PCLO: variants seen among roughly 807,000 people sequenced by gnomAD.
PCLO encodes protein piccolo.
PCLO carries 82 observed loss-of-function variants against 427.5 expected under a neutral mutation model. That is an observed-to-expected ratio of 0.19 (90% confidence interval 0.16 to 0.23). PCLO has a LOEUF of 0.23. Ranked by LOEUF, PCLO falls within the 10% of genes least tolerant of loss-of-function variation. The probability of loss-of-function intolerance (pLI) is 1.00; values close to 1 mark genes in which losing one functional copy is unlikely to be tolerated. For synonymous variants in PCLO, 2,357 were observed against 2,155.4 expected (o/e 1.09, Z -2.59); for missense variants, 6,239 against 6,115.9 (o/e 1.02, Z -0.67).
At chr7:82,768,737 T>A in intron 22 of PCLO, among the ~76,000 whole-genome samples, 1 of 152,120 alleles carries the variant, frequency 6.6e-6, no homozygotes, top group East Asian at 1.9e-4. Flanking sequence ...TCTGGTGCTT[T>A]ATTCTCAATT....
At chr7:82,892,951 T>A (rs1043821452) in intron 9 of PCLO, among the ~76,000 whole-genome samples, 1 of 152,122 alleles carries the variant, frequency 6.6e-6, no homozygotes, top group East Asian at 1.9e-4. Flanking sequence ...TGTGGAGACA[T>A]AGGAACACTT....
chr7:82,945,074 T>G (rs551701795), intron 6 of PCLO, among the ~76,000 whole-genome samples: 2 of 152,176 alleles, frequency 1.3e-5, no homozygotes, highest in Non-Finnish European at 2.9e-5. Context: ...GGAGCAAGCT[T>G]AAACCCAGAA....
At chr7:83,059,294 A>AAT (rs71522641) in intron 3 of PCLO, among the ~76,000 whole-genome samples, 16,785 of 140,890 alleles carry the variant, frequency 0.12, 1,140 homozygotes, top group Admixed American at 0.14. Context: ...TATAAAATCA[A>AAT]ATATATATAT....
rs531860218 is a variant in PCLO at position 83,119,667 on chromosome 7, A to T, written c.3300+14583T>A. Among the ~76,000 whole-genome samples the T allele has an allele frequency of 3.3e-5, 5 of 152,232 alleles. No individual in the cohort carries two copies. The East Asian group carries it at 9.7e-4, about 30-fold the overall frequency. ...ACAAACATAAAAAACATCCAGGAAA[A>T]AAATGACCTCACTAAATGAACTAAA... On this transcript the variant is annotated intron_variant, in intron 3 of 24. Coordinates refer to ENST00000333891, the MANE Select transcript of PCLO (RefSeq NM_033026.6).
intron 3 of PCLO, among the ~76,000 whole-genome samples, chr7:83,058,739 C>T (rs10245029): frequency 0.011 from 1,642 of 152,066 alleles, 14 homozygotes; most frequent in Middle Eastern, 0.041. Flanking sequence ...AAGTTCATAA[C>T]GTCGGTGTGT....
chr7:83,064,442 T>C (rs1243896298), intron 3 of PCLO, among the ~76,000 whole-genome samples: 3 of 151,988 alleles, frequency 2.0e-5, no homozygotes, highest in African/African-American at 4.8e-5. Context: ...TTTCGGATTC[T>C]CTTTGAGGAT....
At chr7:82,770,255 T>A (rs1282744545) in intron 22 of PCLO, among the ~76,000 whole-genome samples, 1 of 152,076 alleles carries the variant, frequency 6.6e-6, no homozygotes, top group African/African-American at 2.4e-5. Context: ...TATTCTTTTT[T>A]TAAAAATTAG....
chr7:82,905,868 T>TC (rs918615529), intron 8 of PCLO, among the ~76,000 whole-genome samples: 1 of 151,970 alleles, frequency 6.6e-6, no homozygotes, highest in African/African-American at 2.4e-5. Flanking sequence ...TGCTGACCTT[T>TC]ACAACCACCC....
intron 3 of PCLO, among the ~76,000 whole-genome samples, chr7:83,093,492 A>ATATATATATATTTT: frequency 6.7e-5 from 4 of 59,300 alleles, no homozygotes; most frequent in Admixed American, 2.9e-4. Flanking sequence ...ATATATATAT[A>ATATATATATATTTT]TTTTTTTTTT....
Position 82,921,785 on chromosome 7 carries a change from T to C in PCLO, c.11113-4912A>G, listed in dbSNP as rs1584157570. ...GAGCTTCTGCACAGCAAAAAAACTA[T>C]CAACAGAGTGACAGAAAATCTATAA... On this transcript the variant is annotated intron_variant, in intron 6 of 24. Transcript: ENST00000333891. Among the ~76,000 whole-genome samples the C allele has an allele frequency of 2.0e-5, 3 of 151,596 alleles. No individual in the cohort carries two copies. In the Admixed American group the frequency reaches 2.0e-4, roughly 10 times the overall value.
chr7:82,823,838 A>G (rs1791859604), intron 19 of PCLO, among the ~76,000 whole-genome samples: 1 of 152,186 alleles, frequency 6.6e-6, no homozygotes, highest in East Asian at 1.9e-4. Flanking sequence ...AGAGATTCAA[A>G]CAATTAGAAG....
At chr7:82,941,618 G>C (rs1584188966) in intron 6 of PCLO, among the ~76,000 whole-genome samples, 1 of 151,190 alleles carries the variant, frequency 6.6e-6, no homozygotes, top group African/African-American at 2.5e-5. Context: ...TATTTTATTA[G>C]TTATGAGACT....
chr7:82,845,635 T>C (rs1792481332), intron 12 of PCLO, 150 bp from the exon 13 acceptor site: 2 of 622,506 alleles, frequency 3.2e-6, no homozygotes, highest in Admixed American at 2.9e-5. Context: ...TGTACTTTTA[T>C]GTATCAATTT....
intron 22 of PCLO, among the ~76,000 whole-genome samples, chr7:82,776,048 T>G (rs1238708422): frequency 6.6e-6 from 1 of 152,328 alleles, no homozygotes; most frequent in African/African-American, 2.4e-5. Context: ...GAATAAATTC[T>G]TATTAGTTTT....
intron 6 of PCLO, among the ~76,000 whole-genome samples, chr7:82,929,861 G>C (rs1794799695): frequency 6.6e-6 from 1 of 152,106 alleles, no homozygotes; most frequent in South Asian, 2.1e-4. Context: ...AATTCTAATT[G>C]TTTGTCCTTC....
intron 3 of PCLO, among the ~76,000 whole-genome samples, chr7:82,986,798 G>T (rs1000936214): frequency 3.3e-5 from 5 of 151,856 alleles, no homozygotes; most frequent in South Asian, 2.1e-4. Context: ...TTTAGGGAAT[G>T]ATATGGGATA....
chr7:82,785,570 A>C (rs1288011738), intron 22 of PCLO, among the ~76,000 whole-genome samples: 1 of 152,194 alleles, frequency 6.6e-6, no homozygotes, highest in Non-Finnish European at 1.5e-5. Context: ...CAAAAGAGAT[A>C]GAACTTAAAA....
chr7:82,845,258 C>A lies in PCLO; in HGVS notation c.14046+13G>T. 6.2e-7 allele frequency: 1 copy of A among 1,606,238 alleles called. No individual in the cohort carries two copies. Among genetic ancestry groups the A allele is most frequent in the Non-Finnish European group, 8.5e-7 (1 of 1,173,568 alleles). On this transcript the variant is annotated intron_variant, in intron 13 of 24. Transcript: ENST00000333891. ...AAAACAAGTGGGTCAGAGGTCACATCAACAATCCTCACCTTGCTGCTGCCG... is the reference window on the plus strand; with the variant it reads ...AAAACAAGTGGGTCAGAGGTCACATAAACAATCCTCACCTTGCTGCTGCCG...
At chr7:83,109,568 A>G (rs1166779949) in intron 3 of PCLO, among the ~76,000 whole-genome samples, 20 of 152,150 alleles carry the variant, frequency 1.3e-4, no homozygotes, top group African/African-American at 4.6e-4. Context: ...AGTTTTCTGA[A>G]TTATGTTTTA....
Sources: gnomAD v4.1 joint callset for allele counts (sites outside exome capture counted in the v4.1 genomes callset) on GRCh38, gnomAD v4.1.1 for gene constraint, MANE v1.5 for transcripts, NCBI Gene and HGNC (gene_info 2026-07-23, HGNC 2026-07-21) for gene names.